ADAM9: variants seen among roughly 807,000 people sequenced by gnomAD.
ADAM9 encodes the protein ADAM metallopeptidase domain 9.
ADAM9 carries 54 observed loss-of-function variants against 108.1 expected under a neutral mutation model. The observed-to-expected ratio is 0.50, with a 90% CI of 0.40 to 0.63. The LOEUF is 0.63. Ranked by LOEUF, ADAM9 falls within the 20% of genes least tolerant of loss-of-function variation. ADAM9 has a pLI of 0.00. For missense variants in ADAM9, 830 were observed against 997.7 expected (o/e 0.83, Z 2.26); for synonymous variants, 316 against 336.0 (o/e 0.94, Z 0.65).
At chr8:39,011,578 C>A in intron 2 of ADAM9, 80 bp from the exon 3 acceptor site, 1 of 1,292,678 alleles carries the variant, frequency 7.7e-7, no homozygotes, top group South Asian at 1.2e-5. Context: ...GATGGAATTT[C>A]CTGCATCTTA....
At chr8:39,055,247 A>G (rs1009445827) in intron 13 of ADAM9, among the ~76,000 whole-genome samples, 1 of 152,152 alleles carries the variant, frequency 6.6e-6, no homozygotes, top group African/African-American at 2.4e-5. Context: ...ACTTCTACCA[A>G]CAGTATTATC....
chr8:39,006,749 T>C (rs1836176051), intron 1 of ADAM9, among the ~76,000 whole-genome samples: 1 of 152,036 alleles, frequency 6.6e-6, no homozygotes, highest in South Asian at 2.1e-4. Context: ...AAGCCCTGCT[T>C]AAGACATCAT....
chr8:39,089,118 G>A (rs977037430), intron 18 of ADAM9, among the ~76,000 whole-genome samples: 3 of 151,978 alleles, frequency 2.0e-5, no homozygotes, highest in East Asian at 1.9e-4. Context: ...GCGTGGTGGC[G>A]CATACCTGTA....
At chr8:39,093,234 T>C (rs1233859962) in intron 20 of ADAM9, among the ~76,000 whole-genome samples, 2 of 152,226 alleles carry the variant, frequency 1.3e-5, no homozygotes, top group African/African-American at 4.8e-5. Context: ...TGGGATATCT[T>C]TCCATTTATT....
intron 11 of ADAM9, among the ~76,000 whole-genome samples, chr8:39,037,113 G>A (rs2129435719): frequency 7.8e-6 from 1 of 127,640 alleles, no homozygotes; most frequent in South Asian, 2.4e-4. Flanking sequence ...CTGGAGTGCA[G>A]TGGCGCAGTC....
At chr8:39,035,073 G>A (rs1219565543) in intron 11 of ADAM9, among the ~76,000 whole-genome samples, 1 of 152,082 alleles carries the variant, frequency 6.6e-6, no homozygotes, top group African/African-American at 2.4e-5. Context: ...TGATTCTAGT[G>A]AACTGTGTGT....
At chr8:39,044,932 G>A (rs1489902763) in intron 12 of ADAM9, among the ~76,000 whole-genome samples, 1 of 150,048 alleles carries the variant, frequency 6.7e-6, no homozygotes, top group African/African-American at 2.5e-5. Flanking sequence ...ATATGTGTGT[G>A]CACACATACC....
At chr8:39,088,591 CT>C (rs1177912084) in intron 18 of ADAM9, among the ~76,000 whole-genome samples, 5 of 152,038 alleles carry the variant, frequency 3.3e-5, no homozygotes, top group African/African-American at 1.2e-4. Context: ...ATTTCTGGTT[CT>C]TTTACAAACT....
Position 39,104,076 on chromosome 8 carries a change from A to T in ADAM9, c.*376A>T. 2.2e-6 allele frequency: 1 copy of T among 463,404 alleles called. No individual in the cohort carries two copies. The highest frequency in any genetic ancestry group is 4.3e-6 in the Non-Finnish European group (1 of 233,322). 28.7% of individuals were successfully genotyped at this position (463,404 alleles called of 1,614,324 possible). On this transcript the variant is annotated 3_prime_UTR_variant, in exon 22 of 22. Coordinates refer to ENST00000487273, the MANE Select transcript of ADAM9 (RefSeq NM_003816.3). Reference sequence around the variant, plus strand: ...AGTGTTATTCTGAATTTTCTACCTTAGTTATCATTAATGTAGTTCCTCATT... The same window carrying T: ...AGTGTTATTCTGAATTTTCTACCTTTGTTATCATTAATGTAGTTCCTCATT...
intron 11 of ADAM9, among the ~76,000 whole-genome samples, chr8:39,041,007 A>G (rs1454919295): frequency 6.6e-6 from 1 of 152,214 alleles, no homozygotes; most frequent in Non-Finnish European, 1.5e-5. Context: ...CTAAGAAGAA[A>G]ACGTTGAGGA....
chr8:39,031,009 A>AT (rs1441187265), intron 11 of ADAM9, among the ~76,000 whole-genome samples: 1 of 152,116 alleles, frequency 6.6e-6, no homozygotes, highest in African/African-American at 2.4e-5. Context: ...TTTTGCAAAT[A>AT]TTTTCTACTA....
chr8:39,012,070 C>A (rs918478334), intron 3 of ADAM9, among the ~76,000 whole-genome samples: 1 of 152,184 alleles, frequency 6.6e-6, no homozygotes, highest in Admixed American at 6.5e-5. Flanking sequence ...TGCCTACTCA[C>A]ATAGACTTTA....
chr8:39,045,558 ATG>A (rs772438762), intron 12 of ADAM9, among the ~76,000 whole-genome samples: 945 of 75,788 alleles, frequency 0.012, 16 homozygotes, highest in African/African-American at 0.041. Context: ...GTGTGTGTAT[ATG>A]TGTGTGTGTG....
At chr8:39,045,394 A>G (rs1467469570) in intron 12 of ADAM9, among the ~76,000 whole-genome samples, 6 of 112,586 alleles carry the variant, frequency 5.3e-5, no homozygotes, top group Non-Finnish European at 1.1e-4. Context: ...AGGTGTGTGT[A>G]CACACACCTA....
intron 20 of ADAM9, among the ~76,000 whole-genome samples, chr8:39,094,330 T>A (rs970166397): frequency 6.6e-6 from 1 of 152,226 alleles, no homozygotes; most frequent in African/African-American, 2.4e-5. Flanking sequence ...TTTGCTAGTA[T>A]TTTGTTGAAG....
chr8:39,051,380 C>T (rs147658359), intron 12 of ADAM9, among the ~76,000 whole-genome samples: 80 of 152,268 alleles, frequency 5.3e-4, no homozygotes, highest in Non-Finnish European at 2.9e-5. Context: ...ATGTAGTAGC[C>T]TCTCAACTAG....
chr8:39,069,082 G>A (rs1336655210), intron 14 of ADAM9, among the ~76,000 whole-genome samples: 1 of 152,058 alleles, frequency 6.6e-6, no homozygotes, highest in Non-Finnish European at 1.5e-5. Flanking sequence ...TATCTCCGAG[G>A]AATTCTACGG....
chr8:39,092,315 T>G (rs1839381932), intron 20 of ADAM9, among the ~76,000 whole-genome samples: 1 of 145,344 alleles, frequency 6.9e-6, no homozygotes, highest in South Asian at 2.2e-4. Flanking sequence ...AAATCCTTCA[T>G]TTTTTAATAT....
intron 11 of ADAM9, among the ~76,000 whole-genome samples, chr8:39,029,692 G>T (rs1837039428): frequency 6.6e-6 from 1 of 152,198 alleles, no homozygotes; most frequent in African/African-American, 2.4e-5. Flanking sequence ...ATACATTTTT[G>T]TGTGTTGAAC....
Sources: gnomAD v4.1 joint callset for allele counts (sites outside exome capture counted in the v4.1 genomes callset) on GRCh38, gnomAD v4.1.1 for gene constraint, MANE v1.5 for transcripts, NCBI Gene and HGNC (gene_info 2026-07-23, HGNC 2026-07-21) for gene names.